ZNF449: variants seen among roughly 807,000 people sequenced by gnomAD.
ZNF449 encodes the protein zinc finger protein 449, also known as zinc finger and SCAN domain-containing protein 19.
In ZNF449, 4 loss-of-function variants were observed where a neutral mutation model predicts 32.6. The observed-to-expected ratio is 0.12, with a 90% confidence interval of 0.06 to 0.28. The LOEUF is 0.28. Among genes scored for constraint, ZNF449 ranks in the 10% least tolerant of loss-of-function variants. The probability of loss-of-function intolerance (pLI) is 1.00; values close to 1 mark genes in which losing one functional copy is unlikely to be tolerated. For synonymous variants in ZNF449, 123 were observed against 132.2 expected, an observed-to-expected ratio of 0.93 and a Z score of 0.48; for missense variants, 275 against 383.2, an observed-to-expected ratio of 0.72 and a Z score of 2.36.
chrX:135,356,693 G>T (rs1480118656), intron 3 of ZNF449, among the ~76,000 whole-genome samples: 1 of 111,136 alleles, frequency 9.0e-6, no homozygotes, highest in Non-Finnish European at 1.9e-5. Flanking sequence ...AACATCAATG[G>T]TCAATGAACA....
intron 3 of ZNF449, among the ~76,000 whole-genome samples, chrX:135,358,827 C>T (rs2084930966): frequency 2.7e-5 from 3 of 111,546 alleles, no homozygotes; most frequent in Admixed American, 9.6e-5. Context: ...TTTATTTGAC[C>T]TGTTTCATAT....
intron 1 of ZNF449, 121 bp from the exon 2 acceptor site, chrX:135,346,898 C>T: frequency 3.0e-6 from 1 of 338,834 alleles, no homozygotes; most frequent in Non-Finnish European, 5.1e-6. Flanking sequence ...TAAAGAACTA[C>T]TTTAGGTCTT....
intron 4 of ZNF449, 24 bp downstream of exon 4, chrX:135,360,029 C>T (rs1287161511): frequency 4.5e-6 from 5 of 1,101,227 alleles, no homozygotes; most frequent in Non-Finnish European, 6.1e-6. Context: ...CTTTGATATA[C>T]TAGTGGGAAA....
At chrX:135,349,650 G>A (rs368322932) in intron 3 of ZNF449, among the ~76,000 whole-genome samples, 1 of 112,021 alleles carries the variant, frequency 8.9e-6, no homozygotes, top group Non-Finnish European at 1.9e-5. Context: ...CAAGGGCCTC[G>A]GTTGCTTTTA....
In ZNF449 at chrX:135,349,252, A is replaced by G. The variant is rs782297879; in HGVS notation, c.497A>G (p.Gln166Arg). ...CCAGTAGCAGAGGCATGGATCCCAC[A>G]GGCAGGGCCACCGGAGCTGAACTAT... is the stretch of plus-strand genomic sequence containing the variant. The part of the protein sequence containing the change: ...EAPVAEAWIP[Q>R]AGPPELNYGA... The change falls in exon 3 of 5, where the codon CAG becomes CGG. Residue 166 changes from glutamine to arginine, a missense_variant. By Grantham distance (43) the Gln-to-Arg change is conservative (BLOSUM62 1). This residue lies in a region of ZNF449 where 165 missense variants were observed against 175.0 expected (regional missense o/e 0.94). Coordinates refer to ENST00000339249, the MANE Select transcript of ZNF449 (RefSeq NM_152695.6). 5.8e-6 allele frequency: 7 copies of G among 1,209,976 alleles called. No individual in the cohort carries two copies. Among genetic ancestry groups the G allele is most frequent in the African/African-American group, 5.3e-5 (3 of 57,100 alleles).
At chrX:135,354,551 G>C (rs2084906264) in intron 3 of ZNF449, among the ~76,000 whole-genome samples, 1 of 112,127 alleles carries the variant, frequency 8.9e-6, no homozygotes, top group East Asian at 2.8e-4. Context: ...ACACATATAA[G>C]AAGTGCATTA....
intron 2 of ZNF449, 150 bp from the exon 3 acceptor site, chrX:135,348,960 T>A: frequency 1.1e-6 from 1 of 900,735 alleles, no homozygotes; most frequent in Non-Finnish European, 1.6e-6. Context: ...CTGGATTAAG[T>A]AACACGTACT....
chrX:135,351,967 T>C (rs2084890231), intron 3 of ZNF449, among the ~76,000 whole-genome samples: 1 of 112,259 alleles, frequency 8.9e-6, no homozygotes, highest in Non-Finnish European at 1.9e-5. Flanking sequence ...AATTATCCTT[T>C]TCTTATCACC....
At chrX:135,347,893 C>A in intron 2 of ZNF449, 1 of 297,651 alleles carries the variant, frequency 3.4e-6, no homozygotes, top group Non-Finnish European at 6.0e-6. Context: ...GTGAATGTGC[C>A]CCACAGTGCC....
Position 135,363,254 on chromosome X carries a change from G to A in ZNF449, c.*2178G>A, listed in dbSNP as rs2084957110. 2 of 112,165 alleles carry A rather than the reference G, an allele frequency of 1.8e-5. No individual in the cohort carries two copies. The highest frequency in any genetic ancestry group is 3.2e-5 in the African/African-American group (1 of 30,838). The allele number at this position is 112,165 out of a possible 1,213,427, so 9.2% of individuals were successfully genotyped here. On this transcript the variant is annotated 3_prime_UTR_variant, in exon 5 of 5. Transcript: ENST00000339249. The stretch of plus-strand genomic sequence containing the variant: ...TCTGTCCTCATCCCAAGTTGGAATC[G>A]CTTTTCTCTCTGCAACCATGGCACT...
At chrX:135,344,954 G>GCGGGCGC (rs1306322786) in intron 1 of ZNF449, 119 bp downstream of exon 1, 2 of 112,860 alleles carry the variant, frequency 1.8e-5, no homozygotes, top group Non-Finnish European at 3.8e-5. Context: ...GCCCCGGGCG[G>GCGGGCGC]CGGGCGCCGG....
At chrX:135,353,413 C>G (rs1556450844) in intron 3 of ZNF449, among the ~76,000 whole-genome samples, 1 of 110,846 alleles carries the variant, frequency 9.0e-6, no homozygotes, top group East Asian at 2.8e-4. Flanking sequence ...AAAAAAAAAT[C>G]AAAAATAATT....
rs782679066 is a variant in ZNF449, at chrX:135,356,044, C to A, written c.560-3848C>A. On this transcript the variant is annotated intron_variant, in intron 3 of 4. Coordinates refer to ENST00000339249, the MANE Select transcript of ZNF449 (RefSeq NM_152695.6). ...CATAGTCCATTGTGACATTATACCA[C>A]ATTTTGTTTATTCATTCAACAGCTG... Among the ~76,000 whole-genome samples, 294 of 112,212 alleles carry A rather than the reference C, an allele frequency of 2.6e-3. 1 individual carries two copies. Among genetic ancestry groups the A allele is most frequent in the African/African-American group, 9.2e-3 (284 of 31,019 alleles).
Position 135,358,834 on chromosome X carries a change from A to T in ZNF449, c.560-1058A>T, listed in dbSNP as rs1215460581. ...CCTTGAATTTTATTTGACCTGTTTC[A>T]TATTACCCTGTAATTTCACTCTTAG... On this transcript the variant is annotated intron_variant, in intron 3 of 4. Transcript: ENST00000339249. 2.7e-5 allele frequency among the ~76,000 whole-genome samples: 3 copies of T among 111,773 alleles called. No homozygotes were observed. The East Asian group carries it at 8.3e-4, about 31-fold the overall frequency.
chrX:135,346,763 C>T (rs914178458), intron 1 of ZNF449, among the ~76,000 whole-genome samples: 15 of 106,777 alleles, frequency 1.4e-4, no homozygotes, highest in South Asian at 4.5e-4. Context: ...GGACAGCAAG[C>T]GCAATTCTAG....
chrX:135,350,021 T>C (rs1236609411), intron 3 of ZNF449, among the ~76,000 whole-genome samples: 5 of 108,269 alleles, frequency 4.6e-5, no homozygotes, highest in Admixed American at 2.9e-4. Context: ...TTTTTTTTTT[T>C]CTGAGACGGG....
At chrX:135,344,898 C>G (rs2084830311) in intron 1 of ZNF449, 63 bp downstream of exon 1, 1 of 113,237 alleles carries the variant, frequency 8.8e-6, no homozygotes, top group Non-Finnish European at 1.9e-5. Context: ...GGTAGCGGGG[C>G]TCCTTTCCGT....
intron 3 of ZNF449, among the ~76,000 whole-genome samples, chrX:135,358,062 GCTTT>G (rs1364078571): frequency 1.8e-5 from 2 of 110,483 alleles, no homozygotes; most frequent in African/African-American, 3.3e-5. Context: ...CTCTTTTACT[GCTTT>G]CTTTTTCATT....
chrX:135,360,157 C>G, intron 4 of ZNF449, 36 bp from the exon 5 acceptor site: 1 of 1,151,114 alleles, frequency 8.7e-7, no homozygotes, highest in Non-Finnish European at 1.2e-6. Context: ...CTCCATGGAA[C>G]ACAATATCAT....
Sources: allele counts gnomAD v4.1 joint callset (sites outside exome capture counted in the v4.1 genomes callset), GRCh38; gene constraint gnomAD v4.1.1; regional missense constraint gnomAD v4.1.1; transcripts MANE v1.5; gene names NCBI Gene and HGNC (gene_info 2026-07-23, HGNC 2026-07-21).